Variants in PRKCE observed in about 807,000 individuals in gnomAD.
PRKCE encodes the protein protein kinase C epsilon.
Under a neutral mutation model 85.4 loss-of-function variants are expected in PRKCE, and 16 were observed. The ratio of observed to expected loss-of-function variants is 0.19; its 90% CI spans 0.13 to 0.28. PRKCE has a LOEUF of 0.28. PRKCE is among the 10% of genes least tolerant of loss of function. The probability of loss-of-function intolerance (pLI) is 1.00; values close to 1 mark genes in which losing one functional copy is unlikely to be tolerated. For synonymous variants in PRKCE, 388 were observed against 371.5 expected (o/e 1.04, Z -0.51); for missense variants, 573 against 975.2 (o/e 0.59, Z 5.49).
At chr2:45,782,762 C>G (rs1476032813) in intron 1 of PRKCE, among the ~76,000 whole-genome samples, 1 of 151,870 alleles carries the variant, frequency 6.6e-6, no homozygotes, top group Non-Finnish European at 1.5e-5. Context: ...TATATATATA[C>G]ACACACATAC....
chr2:45,774,080 T>C lies in PRKCE; in HGVS notation c.349-68920T>C, dbSNP rs530176509. Among the ~76,000 whole-genome samples, 2 of 152,296 alleles carry C rather than the reference T, an allele frequency of 1.3e-5. No homozygotes were observed. Among genetic ancestry groups the C allele is most frequent in the East Asian group, 3.9e-4 (2 of 5,186 alleles). On this transcript the variant is annotated intron_variant, in intron 1 of 14. Coordinates refer to ENST00000306156, the MANE Select transcript of PRKCE (RefSeq NM_005400.3). This position sits in a 1 kb window ranked among gnomAD's most constrained non-coding sequence, Gnocchi z 4.3. ...CCTCCCCCGCTGCTGCTGTTCATCT[T>C]GGGGGACCCACCCTTTGTTGGTAGG... is the stretch of plus-strand genomic sequence containing the variant.
chr2:46,134,091 T>A (rs1290010929), intron 11 of PRKCE, among the ~76,000 whole-genome samples: 1 of 152,234 alleles, frequency 6.6e-6, no homozygotes, highest in South Asian at 2.1e-4. Flanking sequence ...TAATTTTCAA[T>A]AAAAATGTTT....
At chr2:46,104,296 C>CTTTTTT (rs59018550) in intron 11 of PRKCE, among the ~76,000 whole-genome samples, 6,318 of 118,132 alleles carry the variant, frequency 0.053, 261 homozygotes, top group Middle Eastern at 0.11. Context: ...TCACCTTGTA[C>CTTTTTT]TTTTTTTTTT....
chr2:46,085,238 G>A (rs1010709937), intron 10 of PRKCE, among the ~76,000 whole-genome samples: 5 of 152,126 alleles, frequency 3.3e-5, no homozygotes, highest in Admixed American at 1.3e-4. Flanking sequence ...TGGTTTGGCC[G>A]TTCTGAGGGC....
At chr2:45,959,413 A>G (rs1313136536) in intron 2 of PRKCE, among the ~76,000 whole-genome samples, 2 of 152,228 alleles carry the variant, frequency 1.3e-5, no homozygotes, top group Non-Finnish European at 2.9e-5. Flanking sequence ...ATGAGAGTTG[A>G]ACCTTTTACT....
chr2:45,665,467 C>T (rs1288865516), intron 1 of PRKCE, among the ~76,000 whole-genome samples: 1 of 152,174 alleles, frequency 6.6e-6, no homozygotes, highest in Non-Finnish European at 1.5e-5. Context: ...AATGTTTGGG[C>T]ATTTAAGTAA....
intron 11 of PRKCE, among the ~76,000 whole-genome samples, chr2:46,111,855 T>C (rs1392853653): frequency 1.3e-5 from 2 of 152,186 alleles, no homozygotes; most frequent in African/African-American, 4.8e-5. Context: ...GGTCAAGTAG[T>C]GACTCCATGT....
At chr2:45,931,811 A>G (rs949391571) in intron 2 of PRKCE, among the ~76,000 whole-genome samples, 2 of 151,912 alleles carry the variant, frequency 1.3e-5, no homozygotes, top group Admixed American at 6.6e-5. Context: ...GGTTGCAGCG[A>G]TTCTCGTGCC....
intron 11 of PRKCE, among the ~76,000 whole-genome samples, chr2:46,106,575 C>G (rs1294044704): frequency 6.6e-6 from 1 of 152,234 alleles, no homozygotes; most frequent in Non-Finnish European, 1.5e-5. Flanking sequence ...AGGGCCATAA[C>G]AGAAGTATCT....
At position 45,905,940 on chromosome 2, in the gene PRKCE, G is replaced by A. The variant is rs370679708; in HGVS notation, c.412+62877G>A. On this transcript the variant is annotated intron_variant, in intron 2 of 14. Transcript: ENST00000306156. This position sits in a 1 kb window ranked among gnomAD's most constrained non-coding sequence, Gnocchi z 4.4. The stretch of plus-strand genomic sequence containing the variant: ...TGCGGGGTATGGTGTCTGCCCACAT[G>A]AAGGGCCGGGGTGGGCAGGCTATCT... Among the ~76,000 whole-genome samples the A allele has an allele frequency of 2.9e-4, 44 of 152,198 alleles. No individual in the cohort carries two copies. Among genetic ancestry groups the A allele is most frequent in the Non-Finnish European group, 5.4e-4 (37 of 68,026 alleles).
Position 45,987,745 on chromosome 2 carries a change from G to A in PRKCE, c.823+3065G>A, listed in dbSNP as rs61756876. ...GGATTTGGACAAATGGACAGTGCTC[G>A]TTATCTACCATGATAGTATCATACA... On this transcript the variant is annotated intron_variant, in intron 6 of 14. Transcript: ENST00000306156. Among the ~76,000 whole-genome samples, 578 of 152,308 alleles carry A rather than the reference G, an allele frequency of 3.8e-3. 7 individuals are homozygous for A. Among genetic ancestry groups the A allele is most frequent in the African/African-American group, 0.013 (550 of 41,570 alleles).
intron 2 of PRKCE, among the ~76,000 whole-genome samples, chr2:45,844,334 A>C (rs1691604729): frequency 6.6e-6 from 1 of 152,204 alleles, no homozygotes; most frequent in Non-Finnish European, 1.5e-5. Flanking sequence ...TCTTTATTGC[A>C]ATTACATTTT....
intron 10 of PRKCE, among the ~76,000 whole-genome samples, chr2:46,067,842 A>C (rs12712963): frequency 6.6e-6 from 1 of 152,018 alleles, no homozygotes; most frequent in African/African-American, 2.4e-5. Flanking sequence ...CCAAGAATAT[A>C]ACGCAAGGTA....
intron 2 of PRKCE, among the ~76,000 whole-genome samples, chr2:45,939,508 A>G (rs1388903296): frequency 6.6e-6 from 1 of 152,096 alleles, no homozygotes; most frequent in African/African-American, 2.4e-5. Context: ...ACCCCAAGTC[A>G]CTAAGAGAAA....
chr2:45,883,252 G>A (rs1422152366), intron 2 of PRKCE, among the ~76,000 whole-genome samples: 1 of 152,358 alleles, frequency 6.6e-6, no homozygotes, highest in Admixed American at 6.5e-5. Context: ...ATTTTGTGGA[G>A]ATTAACTGGT....
intron 1 of PRKCE, among the ~76,000 whole-genome samples, chr2:45,817,550 C>T (rs1483083871): frequency 1.3e-5 from 2 of 151,818 alleles, no homozygotes; most frequent in African/African-American, 2.4e-5. Flanking sequence ...AAAAATCAGC[C>T]GGGCATGGTG....
intron 2 of PRKCE, among the ~76,000 whole-genome samples, chr2:45,909,511 A>G (rs184129512): frequency 6.6e-5 from 10 of 152,352 alleles, no homozygotes; most frequent in Admixed American, 1.3e-4. Context: ...TATTGGTTGT[A>G]TTGTTCCTAA....
At chr2:46,021,884 G>A (rs914040632) in intron 10 of PRKCE, among the ~76,000 whole-genome samples, 4 of 152,140 alleles carry the variant, frequency 2.6e-5, no homozygotes, top group Admixed American at 1.3e-4. Flanking sequence ...ATAGTGGTCT[G>A]GTGGTGTTTT....
chr2:45,780,151 G>A (rs1686069401), intron 1 of PRKCE, among the ~76,000 whole-genome samples: 1 of 152,154 alleles, frequency 6.6e-6, no homozygotes, highest in African/African-American at 2.4e-5. Context: ...TAGCTAATTA[G>A]TGTTCAAATT....
Sources: gnomAD v4.1 joint callset for allele counts (sites outside exome capture counted in the v4.1 genomes callset) on GRCh38, gnomAD v4.1.1 for gene constraint, Gnocchi (gnomAD v3.1) non-coding constraint, MANE v1.5 for transcripts, NCBI Gene and HGNC (gene_info 2026-07-23, HGNC 2026-07-21) for gene names.